SNX19: variants seen among roughly 807,000 people sequenced by gnomAD.
The protein encoded by SNX19 is sorting nexin 19.
A neutral mutation model predicts 85.2 loss-of-function variants in SNX19; 60 were observed. The observed-to-expected ratio is 0.70, with a 90% CI of 0.57 to 0.87. The LOEUF (loss-of-function observed/expected upper bound fraction) is 0.87, where lower values mean the gene tolerates loss of function less well. Ranked by LOEUF, SNX19 falls within the 40% of genes least tolerant of loss-of-function variation. The pLI is 0.00. For missense variants in SNX19, 1,201 were observed against 1,217.8 expected (o/e 0.99, Z 0.21); for synonymous variants, 520 against 470.0 (o/e 1.11, Z -1.38).
chr11:130,896,205 G>T (rs7111085), intron 8 of SNX19, among the ~76,000 whole-genome samples: 47,622 of 152,066 alleles, frequency 0.31, 8,945 homozygotes, highest in Admixed American at 0.43. Context: ...AGGAAGAGAT[G>T]GGGTATAAGA....
rs554415638 is a variant in SNX19 at position 130,895,288 on chromosome 11, G to A, written c.2573+7967C>T. The stretch of plus-strand genomic sequence containing the variant: ...TGAAGATCTGGGTATGCCCTGTGTG[G>A]AGGGAATGAAAGACTCAGTTTCCAT... On this transcript the variant is annotated intron_variant, in intron 8 of 10. Transcript: ENST00000265909. 3.1e-6 allele frequency: 3 copies of A among 977,904 alleles called. No homozygotes were observed. The Admixed American group carries it at 1.8e-4, about 60-fold the overall frequency. The allele number at this position is 977,904 out of a possible 1,614,324, so 60.6% of individuals were successfully genotyped here.
rs1213312510 is a variant in SNX19 at position 130,872,915 on chromosome 11, G to C, written c.*5507C>G. ...AGATTGGACAAACAGCCGGTGTGGA[G>C]GGGGCTGTGGGAGGTACGGCTTGCC... is the stretch of plus-strand genomic sequence containing the variant. On this transcript the variant is annotated 3_prime_UTR_variant, in exon 11 of 11. Transcript: ENST00000265909. Among the ~76,000 whole-genome samples, 1 of 152,190 alleles carries C rather than the reference G, an allele frequency of 6.6e-6. No individual in the cohort carries two copies. Among genetic ancestry groups the C allele is most frequent in the East Asian group, 1.9e-4 (1 of 5,198 alleles).
chr11:130,871,491 A>C lies in SNX19; in HGVS notation c.*6931T>G, dbSNP rs1943024714. Among the ~76,000 whole-genome samples, 2 of 152,206 alleles carry C rather than the reference A, an allele frequency of 1.3e-5. No homozygotes were observed. The highest frequency in any genetic ancestry group is 2.1e-4 in the South Asian group (1 of 4,832). ...ATAAGGTCTATTCTTCTTGGTGTCAAGGTATGAAAAGCAGTATTTCATATC... is the reference window on the plus strand; with the variant it reads ...ATAAGGTCTATTCTTCTTGGTGTCACGGTATGAAAAGCAGTATTTCATATC... On this transcript the variant is annotated 3_prime_UTR_variant, in exon 11 of 11. Transcript: ENST00000265909.
At position 130,916,437 on chromosome 11, in the gene SNX19, G is replaced by C. The variant is rs976187729; in HGVS notation, c.-498C>G. 1 of 153,582 alleles carries C rather than the reference G, an allele frequency of 6.5e-6. No individual in the cohort carries two copies. The highest frequency in any genetic ancestry group is 3.4e-3 in the Middle Eastern group (1 of 294). The allele number at this position is 153,582 out of a possible 1,614,324, so 9.5% of individuals were successfully genotyped here. A position where few individuals can be genotyped will look rare whatever the true frequency, so the allele number is the denominator to read the frequency against. On this transcript the variant is annotated 5_prime_UTR_variant, in exon 1 of 11. Coordinates refer to ENST00000265909, the MANE Select transcript of SNX19 (RefSeq NM_014758.3). ...CTGGGCGACTGCGCTCCGCAGCCGG[G>C]CCTGTGTGAAGGCTGACCGCCGGCC...
At position 130,903,285 on chromosome 11, in the gene SNX19, A is replaced by T; in HGVS notation, c.2543T>A (p.Leu848His). 1 of 1,613,986 alleles carries T rather than the reference A, an allele frequency of 6.2e-7. No individual in the cohort carries two copies. Among genetic ancestry groups the T allele is most frequent in the Non-Finnish European group, 8.5e-7 (1 of 1,179,872 alleles). The change falls in exon 8 of 11, where the codon CTT becomes CAT. Residue 848 changes from leucine (L) to histidine (H), a missense_variant. Around this residue, in one of 3 missense-constraint regions of SNX19, gnomAD observed 285 missense variants for 295.3 expected, o/e 0.97. Transcript: ENST00000265909. Reference sequence around the variant, plus strand: ...AACTAGGGTCCCAAAGATAAGACGAAGAAACTTTTGCATGTTTTCGGTACA... The same window carrying T: ...AACTAGGGTCCCAAAGATAAGACGATGAAACTTTTGCATGTTTTCGGTACA... ...WLCTENMQKF[L>H]RLIFGTLVQR...
Position 130,906,037 on chromosome 11 carries a change from G to C in SNX19, c.2359C>G (p.Pro787Ala). 6.2e-7 allele frequency: 1 copy of C among 1,614,146 alleles called. No individual in the cohort carries two copies. The highest frequency in any genetic ancestry group is 8.5e-7 in the Non-Finnish European group (1 of 1,180,036). ...MQPTKAPEKDPEQPPKGRVDS... is the reference protein window; with the variant it reads ...MQPTKAPEKDAEQPPKGRVDS... Reference sequence around the variant, plus strand: ...ACACGTCCTTTGGGAGGTTGTTCAGGATCTTTTTCTGGGGCTTTTGTTGGC... The same window carrying C: ...ACACGTCCTTTGGGAGGTTGTTCAGCATCTTTTTCTGGGGCTTTTGTTGGC... The change falls in exon 7 of 11, where the codon CCT becomes GCT. Residue 787 changes from proline (P) to alanine (A), a missense_variant. By Grantham distance (27) the Pro-to-Ala change is conservative. Transcript: ENST00000265909.
chr11:130,886,529 C>T (rs1205728266), intron 8 of SNX19, among the ~76,000 whole-genome samples: 1 of 152,090 alleles, frequency 6.6e-6, no homozygotes, highest in Admixed American at 6.5e-5. Context: ...ACCCAAGCAC[C>T]CTGTAAAATG....
Position 130,867,247 on chromosome 11 carries a change from T to G in SNX19, c.*11175A>C, listed in dbSNP as rs1055004855. 6.6e-6 allele frequency: 1 copy of G among 152,242 alleles called. No homozygotes were observed. The allele number at this position is 152,242 out of a possible 1,614,324, so 9.4% of individuals were successfully genotyped here. A position where few individuals can be genotyped will look rare whatever the true frequency, so the allele number is the denominator to read the frequency against. On this transcript the variant is annotated 3_prime_UTR_variant, in exon 11 of 11. Coordinates refer to ENST00000265909, the MANE Select transcript of SNX19 (RefSeq NM_014758.3). Reference sequence around the variant, plus strand: ...ACCTTAAACAGTGATTGTCAAGATCTAAATAAGACATTGGATATGAAATAC... The same window carrying G: ...ACCTTAAACAGTGATTGTCAAGATCGAAATAAGACATTGGATATGAAATAC...
In SNX19 at chr11:130,906,683, G is replaced by A. The variant is rs768809913; in HGVS notation, c.2204C>T (p.Ala735Val). Residue 735 changes from alanine (A) to valine (V), a missense_variant, in exon 6 of 11, where the codon GCA (alanine) becomes GTA (valine). By Grantham distance (64) the Ala-to-Val change is moderately conservative. Around this residue, in one of 3 missense-constraint regions of SNX19, gnomAD observed 125 missense variants for 171.6 expected, o/e 0.73. Transcript: ENST00000265909. ...LRFSSSKISP[A>V]LSVTEAQDKI... ...GTCTTGTGCTTCAGTCACACTTAGT[G>A]CTGGAGAAATTTTACTGGATGAGAA... 2 of 1,613,106 alleles carry A rather than the reference G, an allele frequency of 1.2e-6. No homozygotes were observed. Among genetic ancestry groups the A allele is most frequent in the Non-Finnish European group, 1.7e-6 (2 of 1,179,240 alleles).
At chr11:130,901,440 C>G (rs1395531425) in intron 8 of SNX19, among the ~76,000 whole-genome samples, 1 of 151,896 alleles carries the variant, frequency 6.6e-6, no homozygotes, top group Non-Finnish European at 1.5e-5. Context: ...AAATGTTTTG[C>G]AGTAGGCCAA....
At chr11:130,888,875 T>G (rs781210516) in intron 8 of SNX19, among the ~76,000 whole-genome samples, 1 of 152,220 alleles carries the variant, frequency 6.6e-6, no homozygotes, top group Non-Finnish European at 1.5e-5. Flanking sequence ...TTCATTTCTA[T>G]TTTGGTCGCC....
chr11:130,883,674 CCT>C (rs1349308649), intron 8 of SNX19, among the ~76,000 whole-genome samples: 4 of 152,200 alleles, frequency 2.6e-5, no homozygotes, highest in Non-Finnish European at 5.9e-5. Context: ...CACCCTTCCC[CCT>C]GTCAGCAAAC....
chr11:130,876,918 A>C lies in SNX19; in HGVS notation c.*1504T>G, dbSNP rs1454943826. ...TTGCACACCTAAGCCTCCCGAATAC[A>C]TCAGACACAATTTAGGGTTAAAAGC... On this transcript the variant is annotated 3_prime_UTR_variant, in exon 11 of 11. Transcript: ENST00000265909. 6.6e-6 allele frequency: 1 copy of C among 152,258 alleles called. No individual in the cohort carries two copies. Among genetic ancestry groups the C allele is most frequent in the African/African-American group, 2.4e-5 (1 of 41,464 alleles). The allele number at this position is 152,258 out of a possible 1,614,324, so 9.4% of individuals were successfully genotyped here.
chr11:130,891,753 A>T (rs1230254142), intron 8 of SNX19, among the ~76,000 whole-genome samples: 1 of 152,210 alleles, frequency 6.6e-6, no homozygotes, highest in Non-Finnish European at 1.5e-5. Context: ...GTGTATTTTT[A>T]GGATAAATAA....
At chr11:130,905,546 G>T in intron 7 of SNX19, 1 of 778,222 alleles carries the variant, frequency 1.3e-6, no homozygotes, top group South Asian at 1.9e-5. Flanking sequence ...TCTGGCAGGT[G>T]GATCATGGAG....
At chr11:130,907,475 A>T (rs1351025789) in intron 5 of SNX19, among the ~76,000 whole-genome samples, 1 of 152,178 alleles carries the variant, frequency 6.6e-6, no homozygotes, top group African/African-American at 2.4e-5. Context: ...CTAGTGCAGG[A>T]AAGAGTAGCA....
intron 6 of SNX19, among the ~76,000 whole-genome samples, 167 bp from the exon 7 acceptor site, chr11:130,906,300 G>C (rs1020225641): frequency 2.0e-5 from 3 of 152,136 alleles, no homozygotes; most frequent in African/African-American, 7.2e-5. Context: ...GAAGTTGCAA[G>C]TAAAACAGGC....
At chr11:130,896,976 G>A (rs567105547) in intron 8 of SNX19, among the ~76,000 whole-genome samples, 2 of 151,678 alleles carry the variant, frequency 1.3e-5, no homozygotes, top group African/African-American at 4.8e-5. Context: ...TAAGAGAACA[G>A]TGGAAGCAAG....
chr11:130,893,688 G>A, intron 8 of SNX19: 2 of 659,996 alleles, frequency 3.0e-6, no homozygotes, highest in Non-Finnish European at 2.7e-6. Flanking sequence ...AAAACACAGA[G>A]GAGTAATAAA....
Sources: allele counts gnomAD v4.1 joint callset (sites outside exome capture counted in the v4.1 genomes callset), GRCh38; gene constraint gnomAD v4.1.1; regional missense constraint gnomAD v4.1.1; transcripts MANE v1.5; gene names NCBI Gene and HGNC (gene_info 2026-07-23, HGNC 2026-07-21).